GRID2: variants seen among roughly 807,000 people sequenced by gnomAD.
The protein encoded by GRID2 is glutamate receptor ionotropic, delta-2.
Under a neutral mutation model 114.8 loss-of-function variants are expected in GRID2, and 33 were observed. The ratio of observed to expected loss-of-function variants is 0.29; its 90% CI spans 0.22 to 0.38. The LOEUF (loss-of-function observed/expected upper bound fraction) is 0.38. Among genes scored for constraint, GRID2 ranks in the 10% least tolerant of loss-of-function variants. GRID2 has a pLI of 1.00. For synonymous variants in GRID2, 505 were observed against 449.9 expected (o/e 1.12, Z -1.55); for missense variants, 1,184 against 1,257.7 (o/e 0.94, Z 0.89).
chr4:93,091,447 T>C (rs1730782754), intron 3 of GRID2, among the ~76,000 whole-genome samples: 1 of 152,146 alleles, frequency 6.6e-6, no homozygotes, highest in Non-Finnish European at 1.5e-5. Flanking sequence ...GGATGTTCTG[T>C]ACCAGAGAGT....
At chr4:93,386,873 C>A (rs1764365501) in intron 8 of GRID2, among the ~76,000 whole-genome samples, 1 of 152,134 alleles carries the variant, frequency 6.6e-6, no homozygotes, top group Non-Finnish European at 1.5e-5. Context: ...ATCTCAGAGT[C>A]CCCAGTAAAG....
At chr4:93,543,880 T>G (rs915498628) in intron 13 of GRID2, among the ~76,000 whole-genome samples, 2 of 152,168 alleles carry the variant, frequency 1.3e-5, no homozygotes, top group Non-Finnish European at 2.9e-5. Flanking sequence ...GAGAACAAGT[T>G]GTGCAGATGC....
intron 2 of GRID2, among the ~76,000 whole-genome samples, chr4:92,989,150 G>A (rs1038205811): frequency 1.1e-4 from 16 of 151,460 alleles, no homozygotes; most frequent in South Asian, 4.2e-4. Flanking sequence ...GGTGGCACAC[G>A]CCTGTAGTCC....
intron 2 of GRID2, among the ~76,000 whole-genome samples, chr4:92,801,081 A>G (rs1372658174): frequency 2.0e-5 from 3 of 152,026 alleles, no homozygotes; most frequent in Admixed American, 1.3e-4. Flanking sequence ...TTGCAATGCA[A>G]TGATAAAAAC....
At chr4:92,835,600 T>C (rs1742398546) in intron 2 of GRID2, among the ~76,000 whole-genome samples, 1 of 152,082 alleles carries the variant, frequency 6.6e-6, no homozygotes. Context: ...TGTAGCCTAA[T>C]GCCAGACATA....
At chr4:92,436,446 A>AT (rs1732737595) in intron 1 of GRID2, among the ~76,000 whole-genome samples, 1 of 152,098 alleles carries the variant, frequency 6.6e-6, no homozygotes, top group Non-Finnish European at 1.5e-5. Context: ...TTCAGTACAC[A>AT]TTTCTGGGCA....
intron 13 of GRID2, among the ~76,000 whole-genome samples, chr4:93,523,579 G>A (rs578022488): frequency 9.9e-5 from 15 of 152,230 alleles, no homozygotes; most frequent in African/African-American, 3.1e-4. Flanking sequence ...TTCCATGAGG[G>A]CAGCATTTAG....
rs968246702 is a variant in GRID2, at chr4:93,257,980, A to G, written c.1245+19490A>G. 4.2e-3 allele frequency among the ~76,000 whole-genome samples: 574 copies of G among 137,916 alleles called. 5 individuals are homozygous for G. Among genetic ancestry groups the G allele is most frequent in the African/African-American group, 0.015 (532 of 35,412 alleles). The allele number at this position is 137,916 out of a possible 152,430, so 90.5% of individuals were successfully genotyped here. ...ACATATACACACAATATGTGTGTGT[A>G]TATATATATATATATATATACACAC... On this transcript the variant is annotated intron_variant, in intron 8 of 15. Transcript: ENST00000282020.
intron 2 of GRID2, among the ~76,000 whole-genome samples, chr4:92,778,323 T>C (rs1276425273): frequency 6.6e-6 from 1 of 152,170 alleles, no homozygotes; most frequent in Non-Finnish European, 1.5e-5. Context: ...TGTAAACTTT[T>C]TGAAAGTTTT....
At chr4:93,235,167 C>G (rs2149508038) in intron 7 of GRID2, among the ~76,000 whole-genome samples, 1 of 152,014 alleles carries the variant, frequency 6.6e-6, no homozygotes, top group Non-Finnish European at 1.5e-5. Flanking sequence ...TTTAATTTTT[C>G]TACTCTTTGC....
chr4:92,791,051 T>A (rs995922677), intron 2 of GRID2, among the ~76,000 whole-genome samples: 1 of 151,852 alleles, frequency 6.6e-6, no homozygotes, highest in East Asian at 1.9e-4. Flanking sequence ...TATTTGTTAC[T>A]ATATTGAAAT....
At chr4:93,166,092 A>T (rs1738219642) in intron 4 of GRID2, 1 of 152,190 alleles carries the variant, frequency 6.6e-6, no homozygotes, top group South Asian at 2.1e-4. Flanking sequence ...TGGGATTCAC[A>T]TAGCCTGCAG....
At chr4:92,943,971 A>G (rs112975084) in intron 2 of GRID2, among the ~76,000 whole-genome samples, 2,241 of 152,258 alleles carry the variant, frequency 0.015, 21 homozygotes, top group East Asian at 0.054. Context: ...GTACCAGGCC[A>G]TGTGAGGTAT....
chr4:93,392,850 A>C (rs1049002214), intron 8 of GRID2, among the ~76,000 whole-genome samples: 2 of 152,092 alleles, frequency 1.3e-5, no homozygotes, highest in Non-Finnish European at 2.9e-5. Flanking sequence ...GAAGTGAATT[A>C]AATACTAATT....
At chr4:92,799,920 A>C (rs571397858) in intron 2 of GRID2, among the ~76,000 whole-genome samples, 8 of 152,168 alleles carry the variant, frequency 5.3e-5, no homozygotes, top group African/African-American at 1.7e-4. Flanking sequence ...AGGGATGCTT[A>C]AACAATCATA....
At chr4:93,197,941 A>C (rs1173742165) in intron 4 of GRID2, among the ~76,000 whole-genome samples, 1 of 152,162 alleles carries the variant, frequency 6.6e-6, no homozygotes, top group African/African-American at 2.4e-5. Flanking sequence ...GAAAATGTAA[A>C]TTGATTCATT....
intron 1 of GRID2, among the ~76,000 whole-genome samples, chr4:92,566,847 C>G (rs1419406629): frequency 6.6e-6 from 1 of 152,006 alleles, no homozygotes; most frequent in Non-Finnish European, 1.5e-5. Flanking sequence ...TGCTGGTACT[C>G]AGTTGTGGAT....
At chr4:93,200,150 T>G (rs1013177120) in intron 4 of GRID2, among the ~76,000 whole-genome samples, 1 of 152,222 alleles carries the variant, frequency 6.6e-6, no homozygotes, top group Non-Finnish European at 1.5e-5. Context: ...CACTATAAAC[T>G]TTGTATACTA....
intron 2 of GRID2, among the ~76,000 whole-genome samples, chr4:92,786,253 C>A (rs1361122119): frequency 6.6e-6 from 1 of 151,676 alleles, no homozygotes; most frequent in Non-Finnish European, 1.5e-5. Context: ...GACATGGACC[C>A]TAGTTTAAAT....
Sources: gnomAD v4.1 joint callset for allele counts (sites outside exome capture counted in the v4.1 genomes callset) on GRCh38, gnomAD v4.1.1 for gene constraint, MANE v1.5 for transcripts, NCBI Gene and HGNC (gene_info 2026-07-23, HGNC 2026-07-21) for gene names.